The following AKAP13 variants were observed in gnomAD, a reference collection of about 807,000 sequenced individuals.
AKAP13 encodes the protein A-kinase anchoring protein 13.
AKAP13 carries 80 observed loss-of-function variants against 264.5 expected under a neutral mutation model. The ratio of observed to expected loss-of-function variants is 0.30; its 90% CI spans 0.25 to 0.36. The LOEUF (loss-of-function observed/expected upper bound fraction) is 0.36. Among genes scored for constraint, AKAP13 ranks in the 10% least tolerant of loss-of-function variants. The pLI is 1.00. For missense variants in AKAP13, 3,712 were observed against 3,435.2 expected (o/e 1.08, Z -2.01); for synonymous variants, 1,380 against 1,250.2 (o/e 1.10, Z -2.19).
At chr15:85,600,801 T>A (rs1317423926) in intron 8 of AKAP13, among the ~76,000 whole-genome samples, 1 of 146,724 alleles carries the variant, frequency 6.8e-6, no homozygotes, top group Non-Finnish European at 1.5e-5. Flanking sequence ...GAGATAAAAT[T>A]CTTCTGCCAC....
At position 85,576,178 on chromosome 15, in the gene AKAP13, A is replaced by G. The variant is rs117519547; in HGVS notation, c.861+849A>G. Among the ~76,000 whole-genome samples the G allele has an allele frequency of 9.3e-3, 1,415 of 152,330 alleles. 12 individuals carry two copies. Among genetic ancestry groups the G allele is most frequent in the Middle Eastern group, 0.038 (11 of 292 alleles). On this transcript the variant is annotated intron_variant, in intron 6 of 36. Coordinates refer to ENST00000394518, the MANE Select transcript of AKAP13 (RefSeq NM_007200.5). ...TCAGGTACAGAAATATGCAACAACT[A>G]GAACTAAATTTCTGGCATAAAAGGA...
intron 1 of AKAP13, among the ~76,000 whole-genome samples, chr15:85,482,163 A>T (rs575446001): frequency 3.5e-4 from 53 of 152,288 alleles, no homozygotes; most frequent in African/African-American, 1.3e-3. Flanking sequence ...TGAGTTCTCA[A>T]TGTTGTGGCA....
chr15:85,646,031 A>C (rs572152312), intron 10 of AKAP13, 77 bp downstream of exon 10: 40 of 1,546,886 alleles, frequency 2.6e-5, no homozygotes, highest in Non-Finnish European at 3.4e-5. Context: ...CTCTTTTCCA[A>C]CTTTTTCCCC....
At chr15:85,563,619 C>T (rs148607478) in intron 5 of AKAP13, among the ~76,000 whole-genome samples, 35 of 152,272 alleles carry the variant, frequency 2.3e-4, no homozygotes, top group African/African-American at 8.2e-4. Context: ...ACTGTTCCTA[C>T]AAAAGCCAGC....
At chr15:85,446,008 T>C (rs2073886153) in intron 1 of AKAP13, among the ~76,000 whole-genome samples, 1 of 152,218 alleles carries the variant, frequency 6.6e-6, no homozygotes, top group African/African-American at 2.4e-5. Context: ...TATACACTTT[T>C]TTCTATTTAT....
At chr15:85,728,844 A>T (rs12442409) in intron 29 of AKAP13, among the ~76,000 whole-genome samples, 9,206 of 149,924 alleles carry the variant, frequency 0.061, 396 homozygotes, top group Admixed American at 0.16. Context: ...TCATGTAATT[A>T]AAAAAAAAAA....
At chr15:85,574,617 T>C (rs1269729780) in intron 5 of AKAP13, among the ~76,000 whole-genome samples, 1 of 152,250 alleles carries the variant, frequency 6.6e-6, no homozygotes. Context: ...AGTTTTTCTT[T>C]GTGTAATTGA....
intron 1 of AKAP13, among the ~76,000 whole-genome samples, chr15:85,466,856 ATCT>A (rs2074759524): frequency 6.6e-6 from 1 of 152,104 alleles, no homozygotes; most frequent in African/African-American, 2.4e-5. Flanking sequence ...TTCCTGGTTA[ATCT>A]TCTTTAATTT....
At chr15:85,486,454 T>C (rs2075548557) in intron 2 of AKAP13, among the ~76,000 whole-genome samples, 1 of 152,174 alleles carries the variant, frequency 6.6e-6, no homozygotes. Flanking sequence ...AGTCCAACTT[T>C]TTTCTTTTGC....
rs1366780131 is a variant in AKAP13 at position 85,442,420 on chromosome 15, A to AT, written c.-11-43290_-11-43289insT. Among the ~76,000 whole-genome samples, 111 of 100,592 alleles carry AT rather than the reference A, an allele frequency of 1.1e-3. 1 individual carries two copies. Among genetic ancestry groups the AT allele is most frequent in the Middle Eastern group, 8.8e-3 (2 of 226 alleles). The allele number at this position is 100,592 out of a possible 152,430, so 66.0% of individuals were successfully genotyped here. A position where few individuals can be genotyped will look rare whatever the true frequency, so the allele number is the denominator to read the frequency against. ...GCAAGATTCTGTCTCAAAAAAAAAA[A>AT]AAAATATATATATATATAATATAAA... On this transcript the variant is annotated intron_variant, in intron 1 of 36. Transcript: ENST00000394518.
chr15:85,743,885 T>C (rs993040324), intron 36 of AKAP13, 60 bp downstream of exon 36: 1 of 1,527,354 alleles, frequency 6.5e-7, no homozygotes, highest in East Asian at 2.3e-5. Flanking sequence ...TGAGAGAGGG[T>C]AGATTTTAGT....
chr15:85,565,880 A>G (rs2078588372), intron 5 of AKAP13, among the ~76,000 whole-genome samples: 1 of 152,188 alleles, frequency 6.6e-6, no homozygotes, highest in Admixed American at 6.5e-5. Flanking sequence ...TTTGAAAACT[A>G]GTGTCTTAGT....
chr15:85,687,168 C>T (rs1238177769), intron 16 of AKAP13, among the ~76,000 whole-genome samples: 1 of 152,152 alleles, frequency 6.6e-6, no homozygotes, highest in Non-Finnish European at 1.5e-5. Context: ...TCAGCCTAGC[C>T]TCCTTATTTT....
intron 8 of AKAP13, among the ~76,000 whole-genome samples, chr15:85,597,781 TG>T (rs916873396): frequency 2.0e-5 from 3 of 152,146 alleles, no homozygotes; most frequent in African/African-American, 7.2e-5. Flanking sequence ...TGGGTGTGCT[TG>T]TTGTGTGTTA....
At chr15:85,710,921 A>G (rs184507388) in intron 19 of AKAP13, among the ~76,000 whole-genome samples, 1 of 152,238 alleles carries the variant, frequency 6.6e-6, no homozygotes, top group Admixed American at 6.5e-5. Flanking sequence ...TGCGCATCTC[A>G]ACTTCCTCTT....
At chr15:85,671,619 C>T (rs891302314) in intron 14 of AKAP13, among the ~76,000 whole-genome samples, 8 of 138,920 alleles carry the variant, frequency 5.8e-5, no homozygotes, top group African/African-American at 2.2e-4. Context: ...AATAGCTTTT[C>T]CTGTTTTTGC....
chr15:85,586,206 T>C (rs2079337758), intron 8 of AKAP13, among the ~76,000 whole-genome samples: 1 of 152,012 alleles, frequency 6.6e-6, no homozygotes, highest in Non-Finnish European at 1.5e-5. Context: ...TTTTTTTTTT[T>C]TGAGATGGAG....
intron 1 of AKAP13, among the ~76,000 whole-genome samples, chr15:85,417,962 A>G (rs937332782): frequency 6.6e-6 from 1 of 152,006 alleles, no homozygotes; most frequent in Non-Finnish European, 1.5e-5. Context: ...TAATATTTTA[A>G]TTCAATATAT....
intron 5 of AKAP13, among the ~76,000 whole-genome samples, chr15:85,560,555 T>G (rs1307059931): frequency 6.6e-6 from 1 of 152,194 alleles, no homozygotes; most frequent in Non-Finnish European, 1.5e-5. Context: ...TGTATGGAAT[T>G]TTTAATAACA....
Sources: allele counts gnomAD v4.1 joint callset (sites outside exome capture counted in the v4.1 genomes callset), GRCh38; gene constraint gnomAD v4.1.1; transcripts MANE v1.5; gene names NCBI Gene and HGNC (gene_info 2026-07-23, HGNC 2026-07-21).